The following SNTB1 variants were observed in gnomAD, a reference collection of about 807,000 sequenced individuals.
SNTB1 encodes the protein syntrophin beta 1, also known as beta-1-syntrophin.
Under a neutral mutation model 48.9 loss-of-function variants are expected in SNTB1, and 36 were observed. The ratio of observed to expected loss-of-function variants is 0.74; its 90% CI spans 0.56 to 0.97. SNTB1 has a LOEUF of 0.97. Among genes scored for constraint, SNTB1 ranks in the 50% least tolerant of loss-of-function variants. The pLI is 0.00. For synonymous variants in SNTB1, 299 were observed against 294.6 expected, an observed-to-expected ratio of 1.01 and a Z score of -0.15; for missense variants, 786 against 703.4, an observed-to-expected ratio of 1.12 and a Z score of -1.33.
chr8:120,635,922 T>G (rs1817067685), intron 2 of SNTB1: 2 of 464,036 alleles, frequency 4.3e-6, no homozygotes, highest in Non-Finnish European at 8.0e-6. Context: ...ATTTCCTTTT[T>G]GCTAACCGAA....
intron 1 of SNTB1, among the ~76,000 whole-genome samples, chr8:120,787,802 A>G (rs1050066888): frequency 2.6e-5 from 4 of 152,176 alleles, no homozygotes; most frequent in East Asian, 1.9e-4. Flanking sequence ...TGGGAAACCT[A>G]TTTGAGGGAA....
intron 1 of SNTB1, among the ~76,000 whole-genome samples, chr8:120,787,208 AT>A (rs1411247741): frequency 6.6e-6 from 1 of 152,220 alleles, no homozygotes; most frequent in Non-Finnish European, 1.5e-5. Flanking sequence ...GAGAAAAATA[AT>A]TTTTAAAAAA....
intron 1 of SNTB1, among the ~76,000 whole-genome samples, chr8:120,748,076 A>C (rs1226254013): frequency 6.6e-6 from 1 of 152,198 alleles, no homozygotes; most frequent in East Asian, 1.9e-4. Context: ...GATGCCTGCT[A>C]AAGAATAACT....
intron 2 of SNTB1, among the ~76,000 whole-genome samples, chr8:120,656,330 T>C (rs1817503032): frequency 6.6e-6 from 1 of 152,194 alleles, no homozygotes; most frequent in Non-Finnish European, 1.5e-5. Context: ...AAACTGACAA[T>C]ATCTCTTGTG....
At chr8:120,772,969 G>A (rs955531100) in intron 1 of SNTB1, among the ~76,000 whole-genome samples, 4 of 152,148 alleles carry the variant, frequency 2.6e-5, no homozygotes, top group African/African-American at 9.7e-5. Context: ...ATCACTCACA[G>A]ATCACAGGAG....
chr8:120,558,941 T>C (rs796515087), intron 4 of SNTB1, among the ~76,000 whole-genome samples: 4 of 152,300 alleles, frequency 2.6e-5, no homozygotes, highest in African/African-American at 7.2e-5. Flanking sequence ...TCTAGGCACA[T>C]AGCAGGCACT....
intron 2 of SNTB1, among the ~76,000 whole-genome samples, chr8:120,639,058 T>G (rs1177740157): frequency 6.6e-6 from 1 of 152,242 alleles, no homozygotes; most frequent in Non-Finnish European, 1.5e-5. Context: ...ACCTGTTGTT[T>G]CCTGACCTTT....
chr8:120,573,115 T>C (rs973391162), intron 4 of SNTB1, among the ~76,000 whole-genome samples: 1 of 152,178 alleles, frequency 6.6e-6, no homozygotes, highest in African/African-American at 2.4e-5. Context: ...TTTTCCAGAG[T>C]GGCTGCACCA....
intron 1 of SNTB1, among the ~76,000 whole-genome samples, chr8:120,775,748 A>AAGGAAGGAAGGG (rs1819724709): frequency 6.7e-6 from 1 of 150,054 alleles, no homozygotes; most frequent in Non-Finnish European, 1.5e-5. Context: ...GGAAGGAAGG[A>AAGGAAGGAAGGG]AGGAAGGAAA....
intron 1 of SNTB1, among the ~76,000 whole-genome samples, chr8:120,723,199 T>C (rs1259549578): frequency 1.3e-5 from 2 of 152,196 alleles, no homozygotes; most frequent in Non-Finnish European, 2.9e-5. Flanking sequence ...TTGTTCTGAC[T>C]ATATTGCAGC....
chr8:120,589,167 A>G (rs571636485), intron 3 of SNTB1, among the ~76,000 whole-genome samples: 1 of 152,296 alleles, frequency 6.6e-6, no homozygotes, highest in South Asian at 2.1e-4. Flanking sequence ...TGCTTTGGGA[A>G]TCACTGACCC....
intron 3 of SNTB1, among the ~76,000 whole-genome samples, chr8:120,599,188 T>G (rs1019151318): frequency 6.6e-6 from 1 of 152,156 alleles, no homozygotes; most frequent in Non-Finnish European, 1.5e-5. Context: ...GAACTTTAAG[T>G]CAAGATTTAA....
intron 1 of SNTB1, among the ~76,000 whole-genome samples, chr8:120,786,147 C>A (rs7010904): frequency 0.11 from 16,850 of 152,220 alleles, 1,306 homozygotes; most frequent in African/African-American, 0.22. Flanking sequence ...TCCCCAGCAA[C>A]AGTCTGGGGT....
intron 3 of SNTB1, among the ~76,000 whole-genome samples, chr8:120,629,072 A>C (rs1437718462): frequency 3.9e-5 from 6 of 152,236 alleles, no homozygotes; most frequent in Admixed American, 6.5e-5. Context: ...CTCTCGCTTC[A>C]CTTTAGATCA....
At chr8:120,682,943 G>T (rs1253536642) in intron 2 of SNTB1, among the ~76,000 whole-genome samples, 2 of 147,968 alleles carry the variant, frequency 1.4e-5, no homozygotes, top group African/African-American at 2.5e-5. Context: ...CTGCAGTGGC[G>T]CTATCTCGGC....
intron 4 of SNTB1, among the ~76,000 whole-genome samples, chr8:120,558,989 A>G (rs1815611348): frequency 1.3e-5 from 2 of 152,326 alleles, no homozygotes; most frequent in African/African-American, 4.8e-5. Context: ...GAATAACTAG[A>G]ATATAAAGAG....
chr8:120,624,601 C>A (rs146513073), intron 3 of SNTB1, among the ~76,000 whole-genome samples: 1 of 152,190 alleles, frequency 6.6e-6, no homozygotes, highest in Non-Finnish European at 1.5e-5. Context: ...CAGCATTCCA[C>A]GCCTTCCCCC....
chr8:120,660,246 T>C (rs1318402308), intron 2 of SNTB1, among the ~76,000 whole-genome samples: 1 of 152,232 alleles, frequency 6.6e-6, no homozygotes, highest in Non-Finnish European at 1.5e-5. Context: ...CTAGATGGTG[T>C]CTTCTTCCAA....
chr8:120,650,564 T>C (rs993580255), intron 2 of SNTB1, among the ~76,000 whole-genome samples: 1 of 152,172 alleles, frequency 6.6e-6, no homozygotes, highest in Admixed American at 6.5e-5. Flanking sequence ...AGGCAAACGA[T>C]AGGTACTTGG....
Sources: allele counts gnomAD v4.1 joint callset (sites outside exome capture counted in the v4.1 genomes callset), GRCh38; gene constraint gnomAD v4.1.1; transcripts MANE v1.5; gene names NCBI Gene and HGNC (gene_info 2026-07-23, HGNC 2026-07-21).